RUNX1: variants seen among roughly 807,000 people sequenced by gnomAD.
RUNX1 encodes the protein RUNX family transcription factor 1.
RUNX1 carries 19 observed loss-of-function variants against 42.8 expected under a neutral mutation model. The ratio of observed to expected loss-of-function variants is 0.44; its 90% confidence interval spans 0.31 to 0.65. The LOEUF (loss-of-function observed/expected upper bound fraction) is 0.65. Among genes scored for constraint, RUNX1 ranks in the 30% least tolerant of loss-of-function variants. The pLI, the probability that RUNX1 is intolerant of heterozygous loss-of-function variation, is 0.07. For missense variants in RUNX1, 528 were observed against 672.0 expected (o/e 0.79, Z 2.37); for synonymous variants, 271 against 289.4 (o/e 0.94, Z 0.64).
At chr21:34,953,616 A>C (rs8133613) in intron 2 of RUNX1, among the ~76,000 whole-genome samples, 24,008 of 152,190 alleles carry the variant, frequency 0.16, 3,773 homozygotes, top group African/African-American at 0.41. Flanking sequence ...AATTACCATA[A>C]GAAAGAAATA....
At position 34,788,663 on chromosome 21, in the gene RUNX1, GA is replaced by G. The variant is rs780658511; in HGVS notation, c.*3471del. 1 of 233,176 alleles carries G rather than the reference GA, an allele frequency of 4.3e-6. No homozygotes were observed. The highest frequency in any genetic ancestry group is 8.5e-6 in the Non-Finnish European group (1 of 117,886). 14.4% of individuals were successfully genotyped at this position (233,176 alleles called of 1,614,324 possible). ...TTTGTTGATGCAACTCTTCTGGAAGGAAAAAAAGAGCCAAATGATCAGCCTC... is the reference window on the plus strand; with the variant it reads ...TTTGTTGATGCAACTCTTCTGGAAGGAAAAAAGAGCCAAATGATCAGCCTC... On this transcript the variant is annotated 3_prime_UTR_variant, in exon 9 of 9. Transcript: ENST00000675419.
intron 6 of RUNX1, among the ~76,000 whole-genome samples, chr21:34,842,323 T>G (rs1412250105): frequency 2.0e-5 from 3 of 151,656 alleles, no homozygotes; most frequent in Non-Finnish European, 4.4e-5. Flanking sequence ...TGAAACCCCA[T>G]CTCCACTAAA....
chr21:34,963,610 C>T (rs572360324), intron 2 of RUNX1, among the ~76,000 whole-genome samples: 2 of 151,466 alleles, frequency 1.3e-5, no homozygotes, highest in East Asian at 3.9e-4. Context: ...CTTTGACAGC[C>T]AAGGGTGGCC....
At chr21:35,009,799 C>T (rs527567296) in intron 2 of RUNX1, among the ~76,000 whole-genome samples, 19 of 152,228 alleles carry the variant, frequency 1.2e-4, no homozygotes, top group African/African-American at 3.6e-4. Context: ...AAGGGTGACT[C>T]TAATTTTTTT....
intron 4 of RUNX1, among the ~76,000 whole-genome samples, chr21:34,881,485 A>G (rs2057904821): frequency 6.6e-6 from 1 of 152,178 alleles, no homozygotes; most frequent in South Asian, 2.1e-4. Flanking sequence ...TTACAAAATC[A>G]ACAGACCTCA....
At position 34,834,573 on chromosome 21, in the gene RUNX1, G is replaced by T. The variant is rs919850103; in HGVS notation, c.642C>A (p.Thr214=). Residue 214 remains threonine, a synonymous_variant, in exon 7 of 9, where the codon ACC becomes ACA. Transcript: ENST00000675419. The part of the protein sequence containing the change: ...RRHRQKLDDQ[T]KPGSLSFSER... ...CGGAAAAGGACAAGCTCCCGGGCTT[G>T]GTCTGATCATCTAGTTTCTGCCGAT... is the stretch of plus-strand genomic sequence containing the variant. 3.7e-6 allele frequency: 6 copies of T among 1,612,228 alleles called. No individual in the cohort carries two copies. The highest frequency in any genetic ancestry group is 5.1e-6 in the Non-Finnish European group (6 of 1,179,928).
At chr21:35,036,962 C>T (rs1285758525) in intron 2 of RUNX1, among the ~76,000 whole-genome samples, 1 of 152,202 alleles carries the variant, frequency 6.6e-6, no homozygotes, top group African/African-American at 2.4e-5. Context: ...TTGCTGGGTA[C>T]ATCACTCTGT....
chr21:34,884,164 T>A (rs893719489), intron 4 of RUNX1, among the ~76,000 whole-genome samples: 1 of 152,084 alleles, frequency 6.6e-6, no homozygotes, highest in Non-Finnish European at 1.5e-5. Flanking sequence ...TTCTTAGTAG[T>A]AAAAAACATG....
At chr21:34,887,794 ATTTT>A (rs973738733) in intron 3 of RUNX1, 20 of 1,063,262 alleles carry the variant, frequency 1.9e-5, no homozygotes, top group Non-Finnish European at 2.3e-5. Context: ...TACGCTGCAG[ATTTT>A]TTTAAGTAGC....
chr21:34,934,539 C>A (rs1409767889), intron 2 of RUNX1, among the ~76,000 whole-genome samples: 1 of 152,146 alleles, frequency 6.6e-6, no homozygotes. Flanking sequence ...TGTGTCTTGG[C>A]AGGTGATGGA....
rs1601434888 is a variant in RUNX1 at position 34,843,820 on chromosome 21, A to T, written c.614-9219T>A. ...CTCGGGCCTCTCCTAAAAGCAGAGCACTCAAAATCTAAATCTGCCATCCCC... is the reference window on the plus strand; with the variant it reads ...CTCGGGCCTCTCCTAAAAGCAGAGCTCTCAAAATCTAAATCTGCCATCCCC... On this transcript the variant is annotated intron_variant, in intron 6 of 8. Coordinates refer to ENST00000675419, the MANE Select transcript of RUNX1 (RefSeq NM_001754.5). The surrounding 1 kb of genome is among the most constrained non-coding windows in gnomAD (Gnocchi z 4.8). Among the ~76,000 whole-genome samples, 1 of 152,136 alleles carries T rather than the reference A, an allele frequency of 6.6e-6. No homozygotes were observed. The highest frequency in any genetic ancestry group is 2.1e-4 in the South Asian group (1 of 4,822).
chr21:35,019,684 C>T (rs1012232376), intron 2 of RUNX1, among the ~76,000 whole-genome samples: 1 of 152,122 alleles, frequency 6.6e-6, no homozygotes, highest in African/African-American at 2.4e-5. Context: ...CTGAATAAGA[C>T]CTATGCAAAC....
chr21:34,885,835 T>C (rs1205002765), intron 4 of RUNX1, among the ~76,000 whole-genome samples: 2 of 152,188 alleles, frequency 1.3e-5, no homozygotes, highest in East Asian at 3.8e-4. Flanking sequence ...CCCGCACTGA[T>C]TTTACTTAGT....
At chr21:34,856,064 G>A (rs998223797) in intron 6 of RUNX1, among the ~76,000 whole-genome samples, 1 of 152,200 alleles carries the variant, frequency 6.6e-6, no homozygotes, top group Non-Finnish European at 1.5e-5. Flanking sequence ...CATCTGAAAC[G>A]AAAAACACTT....
chr21:34,856,332 A>T, intron 6 of RUNX1: 3 of 518,802 alleles, frequency 5.8e-6, no homozygotes, highest in South Asian at 4.2e-5. Flanking sequence ...GCAATGAGGC[A>T]CTACCATTTG....
At chr21:34,841,600 A>G (rs9978897) in intron 6 of RUNX1, among the ~76,000 whole-genome samples, 109,384 of 152,080 alleles carry the variant, frequency 0.72, 40,612 homozygotes, top group East Asian at 0.99. Context: ...GAAGGCAGAT[A>G]GGTTGAGCTC....
At chr21:34,910,875 C>T (rs1406477654) in intron 2 of RUNX1, among the ~76,000 whole-genome samples, 1 of 151,830 alleles carries the variant, frequency 6.6e-6, no homozygotes, top group Non-Finnish European at 1.5e-5. Flanking sequence ...GGTTCAAGGG[C>T]TCCTCCCACC....
chr21:34,874,610 CAAAAAAAAAA>C (rs59950735), intron 5 of RUNX1, among the ~76,000 whole-genome samples: 1,594 of 25,334 alleles, frequency 0.063, 38 homozygotes, highest in Middle Eastern at 0.18. Flanking sequence ...AACTCTGTCT[CAAAAAAAAAA>C]AAAAAAAAAA....
chr21:35,013,083 C>T (rs958457096), intron 2 of RUNX1, among the ~76,000 whole-genome samples: 7 of 152,198 alleles, frequency 4.6e-5, no homozygotes, highest in African/African-American at 1.2e-4. Context: ...GACTGAACAA[C>T]GTGAACGTCC....
Sources: gnomAD v4.1 joint callset for allele counts (sites outside exome capture counted in the v4.1 genomes callset) on GRCh38, gnomAD v4.1.1 for gene constraint, Gnocchi (gnomAD v3.1) non-coding constraint, MANE v1.5 for transcripts, NCBI Gene and HGNC (gene_info 2026-07-23, HGNC 2026-07-21) for gene names.